KHDRBS3: variants seen among roughly 807,000 people sequenced by gnomAD.
KHDRBS3 encodes KH RNA binding domain containing, signal transduction associated 3, also known as KH domain-containing, RNA-binding, signal transduction-associated protein 3.
In KHDRBS3, 23 loss-of-function variants were observed where a neutral mutation model predicts 45.6. The ratio of observed to expected loss-of-function variants is 0.50; its 90% confidence interval spans 0.36 to 0.72. KHDRBS3 has a LOEUF of 0.72. Among genes scored for constraint, KHDRBS3 ranks in the 30% least tolerant of loss-of-function variants. The pLI, the probability that KHDRBS3 is intolerant of heterozygous loss-of-function variation, is 0.00. For synonymous variants in KHDRBS3, 162 were observed against 156.5 expected, an observed-to-expected ratio of 1.04 and a Z score of -0.26; for missense variants, 352 against 424.8, an observed-to-expected ratio of 0.83 and a Z score of 1.51.
Position 135,647,111 on chromosome 8 carries a change from C to T in KHDRBS3, c.*27C>T, listed in dbSNP as rs1470480807. The T allele has an allele frequency of 1.7e-6, 2 of 1,177,824 alleles. No homozygotes were observed. Among genetic ancestry groups the T allele is most frequent in the Non-Finnish European group, 2.6e-6 (2 of 782,726 alleles). The allele number at this position is 1,177,824 out of a possible 1,614,324, so 73.0% of individuals were successfully genotyped here. ...TGTACTGTCTGATGTTGTGAAATAG[C>T]CAATCTCCACCAGTCCTGTATACTG... On this transcript the variant is annotated 3_prime_UTR_variant, in exon 9 of 9. Coordinates refer to ENST00000355849, the MANE Select transcript of KHDRBS3 (RefSeq NM_006558.3).
intron 6 of KHDRBS3, among the ~76,000 whole-genome samples, chr8:135,584,836 C>T (rs1194591572): frequency 6.6e-6 from 1 of 152,102 alleles, no homozygotes; most frequent in African/African-American, 2.4e-5. Context: ...GGCCATTGGT[C>T]TCAACTGTTT....
At chr8:135,562,010 T>A (rs564568679) in intron 5 of KHDRBS3, among the ~76,000 whole-genome samples, 1 of 152,174 alleles carries the variant, frequency 6.6e-6, no homozygotes, top group Non-Finnish European at 1.5e-5. Context: ...TGACAAATTT[T>A]AAAAAATTAC....
chr8:135,552,183 G>C (rs1826636969), intron 4 of KHDRBS3, among the ~76,000 whole-genome samples: 1 of 152,082 alleles, frequency 6.6e-6, no homozygotes, highest in Non-Finnish European at 1.5e-5. Context: ...ATTAAATGTG[G>C]AAAGTTTTCA....
In KHDRBS3 at chr8:135,485,921, A is replaced by G. The variant is rs111732126; in HGVS notation, c.88+27967A>G. Among the ~76,000 whole-genome samples, 3 of 150,470 alleles carry G rather than the reference A, an allele frequency of 2.0e-5. 1 individual carries two copies. The highest frequency in any genetic ancestry group is 7.4e-5 in the African/African-American group (3 of 40,644). The stretch of plus-strand genomic sequence containing the variant: ...AATGTTTACAAAGATACACCAGGCA[A>G]GAATCCTTTTAATACTACCAAGGGC... On this transcript the variant is annotated intron_variant, in intron 1 of 8. Transcript: ENST00000355849.
chr8:135,488,961 T>G (rs1823002823), intron 1 of KHDRBS3, among the ~76,000 whole-genome samples: 1 of 152,224 alleles, frequency 6.6e-6, no homozygotes, highest in Admixed American at 6.5e-5. Flanking sequence ...AGTTGTGCAA[T>G]GTTGGTTACT....
intron 1 of KHDRBS3, among the ~76,000 whole-genome samples, chr8:135,514,077 G>T (rs1356829614): frequency 6.6e-6 from 1 of 152,174 alleles, no homozygotes; most frequent in Non-Finnish European, 1.5e-5. Context: ...CCAGTACTGA[G>T]GTTCTGTAAT....
At chr8:135,474,781 A>G (rs1293320694) in intron 1 of KHDRBS3, among the ~76,000 whole-genome samples, 2 of 152,228 alleles carry the variant, frequency 1.3e-5, no homozygotes, top group African/African-American at 2.4e-5. Context: ...TATGGCTGCC[A>G]TAACAAATTG....
At chr8:135,531,901 C>G (rs1024325833) in intron 2 of KHDRBS3, among the ~76,000 whole-genome samples, 1 of 151,962 alleles carries the variant, frequency 6.6e-6, no homozygotes, top group African/African-American at 2.4e-5. Flanking sequence ...CGAAGAGAAT[C>G]CTGAAATATT....
At chr8:135,635,504 C>T (rs918902298) in intron 7 of KHDRBS3, among the ~76,000 whole-genome samples, 3 of 152,202 alleles carry the variant, frequency 2.0e-5, no homozygotes, top group Admixed American at 2.0e-4. Context: ...CTGCCTCAGC[C>T]TCCCGAGTAG....
intron 1 of KHDRBS3, among the ~76,000 whole-genome samples, chr8:135,505,691 T>C (rs557432681): frequency 6.6e-6 from 1 of 151,352 alleles, no homozygotes; most frequent in South Asian, 2.1e-4. Context: ...AAAGAAGTAA[T>C]TTGGAGGAAG....
rs539786141 is a variant in KHDRBS3 at position 135,576,204 on chromosome 8, C to T, written c.612-5674C>T. Among the ~76,000 whole-genome samples the T allele has an allele frequency of 4.6e-5, 7 of 152,300 alleles. No homozygotes were observed. In the South Asian group the frequency reaches 1.0e-3, roughly 23 times the overall value. ...TGCTCATGTTACCTTGATAACGTAGCTGAGGTCATGCTTGTCAAGTTTCTC... is the reference window on the plus strand; with the variant it reads ...TGCTCATGTTACCTTGATAACGTAGTTGAGGTCATGCTTGTCAAGTTTCTC... On this transcript the variant is annotated intron_variant, in intron 5 of 8. Transcript: ENST00000355849.
At position 135,595,793 on chromosome 8, in the gene KHDRBS3, C is replaced by T. The variant is rs538215000; in HGVS notation, c.808-11162C>T. ...CCATATAAATCCATGACTGATTGAA[C>T]GCTCACCCTGTGCCAGGCACTGGGA... is the stretch of plus-strand genomic sequence containing the variant. On this transcript the variant is annotated intron_variant, in intron 6 of 8. Transcript: ENST00000355849. Among the ~76,000 whole-genome samples, 5 of 152,288 alleles carry T rather than the reference C, an allele frequency of 3.3e-5. No individual in the cohort carries two copies. The East Asian group carries it at 7.7e-4, about 24-fold the overall frequency.
intron 2 of KHDRBS3, among the ~76,000 whole-genome samples, chr8:135,529,244 C>T (rs1418014525): frequency 3.3e-5 from 5 of 152,206 alleles, no homozygotes; most frequent in African/African-American, 7.2e-5. Context: ...AACCGGTAAG[C>T]GGCAGCAGGA....
At chr8:135,580,605 C>CT (rs11405340) in intron 5 of KHDRBS3, among the ~76,000 whole-genome samples, 85,176 of 128,866 alleles carry the variant, frequency 0.66, 27,789 homozygotes, top group East Asian at 0.92. Flanking sequence ...CTCTCTCTCT[C>CT]TTTTTTTTTT....
rs180975606 is a variant in KHDRBS3 at position 135,528,653 on chromosome 8, A to G, written c.207+7298A>G. Among the ~76,000 whole-genome samples the G allele has an allele frequency of 3.3e-5, 5 of 152,324 alleles. No individual in the cohort carries two copies. The East Asian group carries it at 9.6e-4, about 29-fold the overall frequency. On this transcript the variant is annotated intron_variant, in intron 2 of 8. Coordinates refer to ENST00000355849, the MANE Select transcript of KHDRBS3 (RefSeq NM_006558.3). ...CTTAGACCTTTGTGGTGCTATAGCAAAACACTGAGACTGGGTCATTTGTAA... is the reference window on the plus strand; with the variant it reads ...CTTAGACCTTTGTGGTGCTATAGCAGAACACTGAGACTGGGTCATTTGTAA...
intron 7 of KHDRBS3, among the ~76,000 whole-genome samples, chr8:135,623,790 T>A (rs1251269787): frequency 2.6e-5 from 4 of 152,052 alleles, no homozygotes; most frequent in Non-Finnish European, 5.9e-5. Flanking sequence ...TGAATCTGGG[T>A]TTTCCTCTGA....
chr8:135,500,792 A>AG lies in KHDRBS3; in HGVS notation c.89-20444dup, dbSNP rs374861097. Reference sequence around the variant, plus strand: ...GCTGGCATTTAGCCACGAGTAAGACAGATCTAAACAATTTATGGTAAATGC... The same window carrying AG: ...GCTGGCATTTAGCCACGAGTAAGACAGGATCTAAACAATTTATGGTAAATGC... On this transcript the variant is annotated intron_variant, in intron 1 of 8. Transcript: ENST00000355849. Among the ~76,000 whole-genome samples the AG allele has an allele frequency of 3.0e-3, 452 of 152,346 alleles. 4 individuals carry two copies. Among genetic ancestry groups the AG allele is most frequent in the African/African-American group, 0.01 (422 of 41,574 alleles).
intron 7 of KHDRBS3, chr8:135,625,701 T>G: frequency 1.3e-6 from 1 of 789,944 alleles, no homozygotes; most frequent in Non-Finnish European, 2.3e-6. Flanking sequence ...TACTAATTTG[T>G]CCACAGGAAT....
At chr8:135,531,397 C>T (rs1472187922) in intron 2 of KHDRBS3, among the ~76,000 whole-genome samples, 1 of 143,182 alleles carries the variant, frequency 7.0e-6, no homozygotes, top group Admixed American at 7.2e-5. Flanking sequence ...GTATTTATAG[C>T]TTTAATATAG....
Sources: gnomAD v4.1 joint callset for allele counts (sites outside exome capture counted in the v4.1 genomes callset) on GRCh38, gnomAD v4.1.1 for gene constraint, MANE v1.5 for transcripts, NCBI Gene and HGNC (gene_info 2026-07-23, HGNC 2026-07-21) for gene names.